MAP3K13: variants seen among roughly 807,000 people sequenced by gnomAD.
MAP3K13 encodes mitogen-activated protein kinase kinase kinase 13.
A neutral mutation model predicts 104.0 loss-of-function variants in MAP3K13; 52 were observed. That is an observed-to-expected ratio of 0.50 (90% CI 0.40 to 0.63). The LOEUF is 0.63. Ranked by LOEUF, MAP3K13 falls within the 20% of genes least tolerant of loss-of-function variation. The pLI, the probability that MAP3K13 is intolerant of heterozygous loss-of-function variation, is 0.00. For synonymous variants in MAP3K13, 394 were observed against 442.2 expected (o/e 0.89, Z 1.37); for missense variants, 914 against 1,218.5 (o/e 0.75, Z 3.72).
chr3:185,477,297 A>G (rs1216019114), intron 11 of MAP3K13, 29 bp from the exon 12 acceptor site: 3 of 1,447,416 alleles, frequency 2.1e-6, no homozygotes, highest in Middle Eastern at 1.7e-4. Context: ...ACTAAAATAA[A>G]TAAAACTCTT....
chr3:185,363,861 A>G (rs757896414), intron 1 of MAP3K13, among the ~76,000 whole-genome samples: 5 of 152,210 alleles, frequency 3.3e-5, no homozygotes, highest in Non-Finnish European at 7.3e-5. Flanking sequence ...TGCGATTGCA[A>G]TTTGGTGAAG....
chr3:185,393,689 A>C (rs1712211961), intron 1 of MAP3K13, among the ~76,000 whole-genome samples: 1 of 151,830 alleles, frequency 6.6e-6, no homozygotes, highest in Non-Finnish European at 1.5e-5. Flanking sequence ...TGATCTCTTG[A>C]CCTCGTGATC....
At chr3:185,360,447 T>A (rs1265423328), upstream of MAP3K13, among the ~76,000 whole-genome samples, 2 of 152,204 alleles carry the variant, frequency 1.3e-5, no homozygotes, top group Admixed American at 1.3e-4. Context: ...GCTTCTAAAA[T>A]GATAATGACT....
At position 185,463,581 on chromosome 3, in the gene MAP3K13, T is replaced by C; in HGVS notation, c.1310T>C (p.Phe437Ser). ...TGGAGAGAAGAAGTGAAAAAACATT[T>C]TGAGAAGATCAAAAGTGAAGGAACT... is the stretch of plus-strand genomic sequence containing the variant. The part of the protein sequence containing the change: ...AEWREEVKKH[F>S]EKIKSEGTCI... The change falls in exon 8 of 14, where the codon TTT becomes TCT. Residue 437 changes from phenylalanine to serine, a missense_variant. Physicochemically the swap from Phe to Ser is radical, Grantham distance 155. Transcript: ENST00000265026. 1.9e-6 allele frequency: 3 copies of C among 1,611,864 alleles called. No individual in the cohort carries two copies. Among genetic ancestry groups the C allele is most frequent in the Non-Finnish European group, 2.5e-6 (3 of 1,178,224 alleles).
chr3:185,379,422 G>A (rs1331036437), intron 1 of MAP3K13, among the ~76,000 whole-genome samples: 2 of 152,192 alleles, frequency 1.3e-5, no homozygotes, highest in Non-Finnish European at 2.9e-5. Context: ...GGGATAGTGA[G>A]AGAGGTTGGA....
chr3:185,483,639 T>A lies in MAP3K13; in HGVS notation c.*1183T>A. 1.1e-5 allele frequency: 2 copies of A among 187,500 alleles called. No homozygotes were observed. The highest frequency in any genetic ancestry group is 8.7e-5 in the East Asian group (1 of 11,478). 11.6% of individuals were successfully genotyped at this position (187,500 alleles called of 1,614,324 possible). A position where few individuals can be genotyped will look rare whatever the true frequency, so the allele number is the denominator to read the frequency against. On this transcript the variant is annotated 3_prime_UTR_variant, in exon 14 of 14. Transcript: ENST00000265026. ...ACTTTGAAGGCAGCTAGGATGTATG[T>A]GTGTCTATACAATGTCTGAGCCCAA...
intron 1 of MAP3K13, among the ~76,000 whole-genome samples, chr3:185,385,836 C>T (rs984406670): frequency 1.3e-5 from 2 of 151,826 alleles, no homozygotes; most frequent in African/African-American, 2.4e-5. Flanking sequence ...AATTCTGTCT[C>T]TACTAGAAAT....
intron 4 of MAP3K13, among the ~76,000 whole-genome samples, chr3:185,445,430 G>C (rs1275585708): frequency 6.6e-6 from 1 of 152,124 alleles, no homozygotes; most frequent in Non-Finnish European, 1.5e-5. Context: ...ATTGTGTAGT[G>C]TTCATTTCTT....
At chr3:185,369,846 A>G (rs1335748119) in intron 1 of MAP3K13, among the ~76,000 whole-genome samples, 1 of 152,214 alleles carries the variant, frequency 6.6e-6, no homozygotes, top group Non-Finnish European at 1.5e-5. Flanking sequence ...TTACACTAAA[A>G]TGGATAAAAT....
chr3:185,301,177 G>A (rs978758424), intron 2 of MAP3K13, among the ~76,000 whole-genome samples: 1 of 151,866 alleles, frequency 6.6e-6, no homozygotes, highest in Admixed American at 6.6e-5. Flanking sequence ...TAATAGGTAT[G>A]AGGTGATACT....
In MAP3K13 at chr3:185,400,905, GTTTT is replaced by G. The variant is rs71164506; in HGVS notation, c.-85-27578_-85-27575del. On this transcript the variant is annotated intron_variant, in intron 1 of 13. Transcript: ENST00000265026. ...TTAGGATAATTCTGGGTGTTTGTTT[GTTTT>G]TTTTTTTTTTTTTGTCTTCTTTTGA... Among the ~76,000 whole-genome samples the G allele has an allele frequency of 5.5e-3, 592 of 107,296 alleles. 5 individuals are homozygous for G. The highest frequency in any genetic ancestry group is 0.02 in the African/African-American group (544 of 27,622). 70.4% of individuals were successfully genotyped at this position (107,296 alleles called of 152,430 possible).
chr3:185,401,970 T>A (rs995798588), intron 1 of MAP3K13, among the ~76,000 whole-genome samples: 1 of 152,250 alleles, frequency 6.6e-6, no homozygotes, highest in African/African-American at 2.4e-5. Context: ...TAATTTTTAG[T>A]TACTCAATAT....
At chr3:185,424,405 G>C (rs1470826274) in intron 1 of MAP3K13, among the ~76,000 whole-genome samples, 4 of 152,184 alleles carry the variant, frequency 2.6e-5, no homozygotes, top group African/African-American at 4.8e-5. Flanking sequence ...TCTGAACTTT[G>C]AGCTAGATTT....
chr3:185,455,670 T>G lies in MAP3K13; in HGVS notation c.1278+4275T>G, dbSNP rs913890649. Among the ~76,000 whole-genome samples, 18 of 23,260 alleles carry G rather than the reference T, an allele frequency of 7.7e-4. 1 individual carries two copies. Among genetic ancestry groups the G allele is most frequent in the African/African-American group, 1.4e-3 (15 of 10,420 alleles). 15.3% of individuals were successfully genotyped at this position (23,260 alleles called of 152,430 possible). ...AGATATATATATGATATATATATGA[T>G]ATATATATGAGATATATATATGATA... On this transcript the variant is annotated intron_variant, in intron 7 of 13. Coordinates refer to ENST00000265026, the MANE Select transcript of MAP3K13 (RefSeq NM_004721.5).
chr3:185,478,688 ACGGC>A (rs1304486046), intron 12 of MAP3K13, among the ~76,000 whole-genome samples: 1 of 151,926 alleles, frequency 6.6e-6, no homozygotes, highest in Non-Finnish European at 1.5e-5. Flanking sequence ...CCTGGCCAAC[ACGGC>A]GAAACCCCGT....
In MAP3K13 at chr3:185,342,233, C is replaced by G. The variant is rs117639054; in HGVS notation, c.-86+56590C>G. ...CCCATGCTGCTCCGAGATTCCTGCC[C>G]CTCAGAGACTGTATGAGAAAATAAA... On this transcript the variant is annotated intron_variant, in intron 2 of 14. Coordinates refer to the MAP3K13 transcript ENST00000424227. Among the ~76,000 whole-genome samples the G allele has an allele frequency of 3.4e-4, 51 of 152,218 alleles. No individual in the cohort carries two copies. In the East Asian group the frequency reaches 9.7e-3, roughly 29 times the overall value.
intron 2 of MAP3K13, among the ~76,000 whole-genome samples, chr3:185,286,172 G>T (rs141862083): frequency 1.2e-3 from 180 of 151,546 alleles, no homozygotes; most frequent in South Asian, 2.1e-3. Flanking sequence ...AATTTGTTAG[G>T]TGGTTGATTC....
chr3:185,466,223 G>C (rs1043420142), intron 9 of MAP3K13, among the ~76,000 whole-genome samples: 1 of 152,188 alleles, frequency 6.6e-6, no homozygotes, highest in East Asian at 1.9e-4. Flanking sequence ...AGAAAACCCT[G>C]GGAATCCTGA....
At position 185,292,178 on chromosome 3, in the gene MAP3K13, G is replaced by A. The variant is rs574686389; in HGVS notation, c.-86+6535G>A. ...AAATTAGCCAGGCATGGTGGCAGGCGCCTGTAATCCCAGCTACTCGAGAGA... is the reference window on the plus strand; with the variant it reads ...AAATTAGCCAGGCATGGTGGCAGGCACCTGTAATCCCAGCTACTCGAGAGA... On this transcript the variant is annotated intron_variant, in intron 2 of 14. Transcript: ENST00000424227. 18 of 170,632 alleles carry A rather than the reference G, an allele frequency of 1.1e-4. No individual in the cohort carries two copies. The East Asian group carries it at 1.3e-3, about 13-fold the overall frequency. The allele number at this position is 170,632 out of a possible 1,614,324, so 10.6% of individuals were successfully genotyped here. A position where few individuals can be genotyped will look rare whatever the true frequency, so the allele number is the denominator to read the frequency against.
Sources: gnomAD v4.1 joint callset for allele counts (sites outside exome capture counted in the v4.1 genomes callset) on GRCh38, gnomAD v4.1.1 for gene constraint, MANE v1.5 for transcripts, NCBI Gene and HGNC (gene_info 2026-07-23, HGNC 2026-07-21) for gene names.